Variants in NOX3 observed in about 807,000 individuals in gnomAD.
NOX3 encodes the protein NADPH oxidase 3.
In NOX3, 74 loss-of-function variants were observed where a neutral mutation model predicts 76.7. The ratio of observed to expected loss-of-function variants is 0.96; its 90% CI spans 0.80 to 1.17. NOX3 has a LOEUF of 1.17. Among genes scored for constraint, NOX3 ranks in the 50% most tolerant of loss-of-function variants. NOX3 has a pLI of 0.00. For synonymous variants in NOX3, 263 were observed against 261.1 expected, an observed-to-expected ratio of 1.01 and a Z score of -0.07; for missense variants, 695 against 703.3, an observed-to-expected ratio of 0.99 and a Z score of 0.13.
chr6:155,431,413 AACACACACACACACAC>A (rs61041630), intron 7 of NOX3, among the ~76,000 whole-genome samples: 1 of 144,732 alleles, frequency 6.9e-6, no homozygotes, highest in African/African-American at 2.6e-5. Flanking sequence ...TAAACACAGA[AACACACACACACACAC>A]ACACACACAC....
Position 155,422,860 on chromosome 6 carries a change from G to A in NOX3, c.1146-4C>T. 1 of 1,614,004 alleles carries A rather than the reference G, an allele frequency of 6.2e-7. No individual in the cohort carries two copies. The highest frequency in any genetic ancestry group is 8.5e-7 in the Non-Finnish European group (1 of 1,179,886). On this transcript the variant is annotated splice_region_variant and splice_polypyrimidine_tract_variant and intron_variant, in intron 9 of 13. Transcript: ENST00000159060. ...AAAGGGCCCGTCCACTGCCAGCCTG[G>A]AATCATAGAGGAATGCAGCCTATTT...
chr6:155,415,493 A>G (rs182536277), intron 10 of NOX3, among the ~76,000 whole-genome samples: 8 of 152,320 alleles, frequency 5.3e-5, no homozygotes, highest in Admixed American at 4.6e-4. Context: ...TTATTTACCT[A>G]TGTATTTATT....
intron 12 of NOX3, among the ~76,000 whole-genome samples, chr6:155,400,495 T>C (rs764448388): frequency 2.0e-5 from 3 of 152,366 alleles, no homozygotes; most frequent in South Asian, 2.1e-4. Flanking sequence ...CTACAAACTC[T>C]GTATCAGACA....
intron 6 of NOX3, 43 bp from the exon 7 acceptor site, chr6:155,436,590 C>G (rs143023863): frequency 9.3e-6 from 15 of 1,610,312 alleles, no homozygotes; most frequent in Non-Finnish European, 1.3e-5. Context: ...AAGCAAAAAA[C>G]GTCAAACTGA....
intron 10 of NOX3, among the ~76,000 whole-genome samples, chr6:155,418,776 G>C (rs1776652254): frequency 6.6e-6 from 1 of 152,250 alleles, no homozygotes; most frequent in Non-Finnish European, 1.5e-5. Flanking sequence ...GGGTAAAGAA[G>C]TTCTAGTTTG....
At chr6:155,452,099 C>T (rs1777152730) in intron 4 of NOX3, among the ~76,000 whole-genome samples, 1 of 152,112 alleles carries the variant, frequency 6.6e-6, no homozygotes, top group Non-Finnish European at 1.5e-5. Context: ...TTAAAGGAAG[C>T]CTGGAGATTC....
intron 4 of NOX3, among the ~76,000 whole-genome samples, chr6:155,444,619 A>G (rs898254667): frequency 5.3e-5 from 8 of 152,232 alleles, no homozygotes; most frequent in Non-Finnish European, 8.8e-5. Context: ...AATTGTGAAG[A>G]AGAAAAAAGA....
At chr6:155,406,805 A>G (rs1342226715) in intron 12 of NOX3, among the ~76,000 whole-genome samples, 2 of 152,206 alleles carry the variant, frequency 1.3e-5, no homozygotes, top group African/African-American at 4.8e-5. Flanking sequence ...GTACAGTTGG[A>G]CAGGAGTGAA....
In NOX3 at chr6:155,411,374, A is replaced by C. The variant is rs186595374; in HGVS notation, c.1309-14T>G. 1 of 1,610,938 alleles carries C rather than the reference A, an allele frequency of 6.2e-7. No homozygotes were observed. The highest frequency in any genetic ancestry group is 8.5e-7 in the Non-Finnish European group (1 of 1,178,610). Reference sequence around the variant, plus strand: ...GTAGAAATACACCTGTCAAGAGAGAAGGCAAGTGAACGGATCTATTCTCTT... The same window carrying C: ...GTAGAAATACACCTGTCAAGAGAGACGGCAAGTGAACGGATCTATTCTCTT... On this transcript the variant is annotated splice_polypyrimidine_tract_variant and intron_variant, in intron 10 of 13. Coordinates refer to ENST00000159060, the MANE Select transcript of NOX3 (RefSeq NM_015718.3).
At chr6:155,445,587 TA>T (rs1409163819) in intron 4 of NOX3, among the ~76,000 whole-genome samples, 2 of 152,172 alleles carry the variant, frequency 1.3e-5, no homozygotes, top group African/African-American at 4.8e-5. Flanking sequence ...AGTTGACTTC[TA>T]TCACACATTC....
intron 5 of NOX3, among the ~76,000 whole-genome samples, chr6:155,442,686 T>G (rs1173757781): frequency 6.6e-6 from 1 of 152,246 alleles, no homozygotes; most frequent in Non-Finnish European, 1.5e-5. Context: ...TGGTTTTCTT[T>G]TTGTTCCCCA....
chr6:155,448,385 G>T (rs1022378355), intron 4 of NOX3, among the ~76,000 whole-genome samples: 1 of 152,110 alleles, frequency 6.6e-6, no homozygotes, highest in African/African-American at 2.4e-5. Flanking sequence ...AGCTATGCGG[G>T]GGAGCTCTTC....
intron 10 of NOX3, among the ~76,000 whole-genome samples, chr6:155,414,632 T>C (rs1397722200): frequency 1.4e-5 from 2 of 141,052 alleles, no homozygotes; most frequent in Non-Finnish European, 3.1e-5. Flanking sequence ...TCTTTTTTTT[T>C]TTTTTTTTTT....
At chr6:155,423,365 T>C (rs1206557904) in intron 9 of NOX3, among the ~76,000 whole-genome samples, 2 of 152,192 alleles carry the variant, frequency 1.3e-5, no homozygotes, top group African/African-American at 4.8e-5. Flanking sequence ...AAGCTATTCA[T>C]TTGGAATAAA....
At chr6:155,407,371 G>A in intron 11 of NOX3, 117 bp from the exon 12 acceptor site, 1 of 958,604 alleles carries the variant, frequency 1.0e-6, no homozygotes, top group Non-Finnish European at 1.5e-6. Flanking sequence ...GTACAGGGCT[G>A]GCAATGCTTA....
Position 155,396,822 on chromosome 6 carries a change from T to A in NOX3, c.*14A>T. 1 of 1,605,310 alleles carries A rather than the reference T, an allele frequency of 6.2e-7. No homozygotes were observed. The highest frequency in any genetic ancestry group is 1.1e-5 in the South Asian group (1 of 89,830). On this transcript the variant is annotated 3_prime_UTR_variant, in exon 13 of 14. Transcript: ENST00000159060. Reference sequence around the variant, plus strand: ...GCAGCCACTTACACAATGCCTGGACTTGACCTCCAAAGTCTAGAAGCTCTC... The same window carrying A: ...GCAGCCACTTACACAATGCCTGGACATGACCTCCAAAGTCTAGAAGCTCTC...
At chr6:155,408,786 A>G (rs1184748828) in intron 11 of NOX3, among the ~76,000 whole-genome samples, 1 of 152,202 alleles carries the variant, frequency 6.6e-6, no homozygotes, top group Non-Finnish European at 1.5e-5. Flanking sequence ...AAAGAATGAA[A>G]TCATGTTCTT....
intron 5 of NOX3, among the ~76,000 whole-genome samples, chr6:155,442,235 G>A (rs1280778104): frequency 1.3e-5 from 2 of 152,112 alleles, no homozygotes; most frequent in South Asian, 2.1e-4. Flanking sequence ...CTGCACTCCA[G>A]CTCTGGCAAC....
intron 4 of NOX3, among the ~76,000 whole-genome samples, chr6:155,445,381 G>C (rs1306112222): frequency 6.6e-6 from 1 of 152,216 alleles, no homozygotes; most frequent in Admixed American, 6.5e-5. Flanking sequence ...TGTGGAAGAA[G>C]ATGTGATGGG....
Sources: allele counts gnomAD v4.1 joint callset (sites outside exome capture counted in the v4.1 genomes callset), GRCh38; gene constraint gnomAD v4.1.1; transcripts MANE v1.5; gene names NCBI Gene and HGNC (gene_info 2026-07-23, HGNC 2026-07-21).